The following KCND3 variants were observed in gnomAD, a reference collection of about 807,000 sequenced individuals.
KCND3 encodes the protein potassium voltage-gated channel subfamily D member 3.
In KCND3, 9 loss-of-function variants were observed where a neutral mutation model predicts 51.1. That is an observed-to-expected ratio of 0.18 (90% CI 0.11 to 0.31). The LOEUF (loss-of-function observed/expected upper bound fraction) is 0.31. Ranked by LOEUF, KCND3 falls within the 10% of genes least tolerant of loss-of-function variation. The pLI is 1.00. For synonymous variants in KCND3, 349 were observed against 368.0 expected (o/e 0.95, Z 0.59); for missense variants, 526 against 903.8 (o/e 0.58, Z 5.36).
intron 2 of KCND3, among the ~76,000 whole-genome samples, chr1:111,804,367 C>T (rs2788610): frequency 0.14 from 21,284 of 152,284 alleles, 1,527 homozygotes; most frequent in South Asian, 0.2. Flanking sequence ...CATCTGTCAG[C>T]CTTCCCCACA....
At chr1:111,794,840 T>C (rs1170586211) in intron 2 of KCND3, among the ~76,000 whole-genome samples, 1 of 152,192 alleles carries the variant, frequency 6.6e-6, no homozygotes, top group Non-Finnish European at 1.5e-5. Context: ...ATTATCCCCA[T>C]TTTGCAGATG....
intron 2 of KCND3, among the ~76,000 whole-genome samples, chr1:111,814,253 C>G (rs995095297): frequency 2.1e-4 from 30 of 143,346 alleles, no homozygotes; most frequent in Non-Finnish European, 4.0e-4. Flanking sequence ...GGAGCAGGCT[C>G]GTGGAGGAGC....
intron 2 of KCND3, among the ~76,000 whole-genome samples, chr1:111,840,027 G>A (rs1410091190): frequency 6.6e-6 from 1 of 152,200 alleles, no homozygotes; most frequent in Non-Finnish European, 1.5e-5. Flanking sequence ...AGTTTAAGGT[G>A]CCAGCAGATG....
intron 2 of KCND3, among the ~76,000 whole-genome samples, chr1:111,903,421 G>T (rs1443012713): frequency 6.6e-6 from 1 of 152,198 alleles, no homozygotes; most frequent in Non-Finnish European, 1.5e-5. Context: ...CACCCACTCA[G>T]TATGTCCTGG....
intron 2 of KCND3, among the ~76,000 whole-genome samples, chr1:111,945,631 G>A (rs982582781): frequency 2.6e-5 from 4 of 152,210 alleles, no homozygotes; most frequent in East Asian, 1.9e-4. Flanking sequence ...TCTCAGCCTT[G>A]CCCCTTCATC....
chr1:111,974,972 T>C (rs1380056747), intron 2 of KCND3, among the ~76,000 whole-genome samples: 1 of 152,192 alleles, frequency 6.6e-6, no homozygotes, highest in Non-Finnish European at 1.5e-5. Context: ...AATCCTATGG[T>C]GTGAATTAAT....
intron 2 of KCND3, among the ~76,000 whole-genome samples, chr1:111,878,020 C>A (rs1457868367): frequency 6.6e-6 from 1 of 152,118 alleles, no homozygotes; most frequent in Non-Finnish European, 1.5e-5. Context: ...CTCATTTTTC[C>A]AAATGAGGAA....
At chr1:111,877,649 C>T (rs1445870947) in intron 2 of KCND3, among the ~76,000 whole-genome samples, 1 of 152,160 alleles carries the variant, frequency 6.6e-6, no homozygotes, top group African/African-American at 2.4e-5. Flanking sequence ...GGGAGAGAGG[C>T]GTCATAATGG....
intron 2 of KCND3, among the ~76,000 whole-genome samples, chr1:111,841,706 T>C (rs889809362): frequency 6.6e-6 from 1 of 152,256 alleles, no homozygotes; most frequent in African/African-American, 2.4e-5. Flanking sequence ...GGCCACCACA[T>C]AAGGGCACAG....
At chr1:111,814,879 C>CTAG (rs1666015192) in intron 2 of KCND3, among the ~76,000 whole-genome samples, 1 of 152,200 alleles carries the variant, frequency 6.6e-6, no homozygotes. Flanking sequence ...ACCAGAGTCC[C>CTAG]TAGGATGTGT....
intron 2 of KCND3, among the ~76,000 whole-genome samples, chr1:111,823,901 G>A (rs1377062361): frequency 3.9e-5 from 6 of 152,120 alleles, no homozygotes; most frequent in African/African-American, 1.4e-4. Context: ...TTGCACTAGA[G>A]ACTCTGAAAA....
intron 2 of KCND3, among the ~76,000 whole-genome samples, chr1:111,915,141 G>A (rs547507099): frequency 5.3e-5 from 8 of 152,096 alleles, no homozygotes; most frequent in South Asian, 2.1e-4. Flanking sequence ...AGCCAGCAGC[G>A]GAGATAAAGT....
At chr1:111,912,893 TA>T (rs1024842103) in intron 2 of KCND3, among the ~76,000 whole-genome samples, 4 of 152,298 alleles carry the variant, frequency 2.6e-5, no homozygotes, top group Admixed American at 1.3e-4. Context: ...GTTTCTAAAG[TA>T]AAAAAGTTAC....
At chr1:111,921,635 C>T (rs1671480269) in intron 2 of KCND3, among the ~76,000 whole-genome samples, 1 of 152,166 alleles carries the variant, frequency 6.6e-6, no homozygotes, top group South Asian at 2.1e-4. Context: ...CTTTAGGTCT[C>T]CCACAGGCTG....
At position 111,776,005 on chromosome 1, in the gene KCND3, T is replaced by A. The variant is rs1343853897; in HGVS notation, c.*72A>T. On this transcript the variant is annotated 3_prime_UTR_variant, in exon 8 of 8. Transcript: ENST00000302127. Reference sequence around the variant, plus strand: ...TGGGGAAAGGGGGGAGGGAGTGGTCTCAGTGACCACCCACCAACATGCCAG... The same window carrying A: ...TGGGGAAAGGGGGGAGGGAGTGGTCACAGTGACCACCCACCAACATGCCAG... 6.7e-7 allele frequency: 1 copy of A among 1,491,770 alleles called. No individual in the cohort carries two copies. The highest frequency in any genetic ancestry group is 1.4e-5 in the African/African-American group (1 of 72,520). 92.4% of individuals were successfully genotyped at this position (1,491,770 alleles called of 1,614,324 possible). A position where few individuals can be genotyped will look rare whatever the true frequency, so the allele number is the denominator to read the frequency against.
chr1:111,876,459 A>G (rs995720274), intron 2 of KCND3, among the ~76,000 whole-genome samples: 1 of 152,288 alleles, frequency 6.6e-6, no homozygotes, highest in African/African-American at 2.4e-5. Context: ...TCTTCGGATC[A>G]ATTTTAATTC....
At chr1:111,970,702 C>T (rs1018465149) in intron 2 of KCND3, among the ~76,000 whole-genome samples, 2 of 152,188 alleles carry the variant, frequency 1.3e-5, no homozygotes, top group Non-Finnish European at 2.9e-5. Context: ...CCCAGTAATG[C>T]TACTACCATG....
chr1:111,979,611 A>G (rs1674829078), intron 2 of KCND3, among the ~76,000 whole-genome samples: 1 of 152,202 alleles, frequency 6.6e-6, no homozygotes, highest in Non-Finnish European at 1.5e-5. Flanking sequence ...TGGAGCAGCC[A>G]GATTGGTATT....
At chr1:111,813,856 A>G (rs1201609504) in intron 2 of KCND3, among the ~76,000 whole-genome samples, 3 of 152,232 alleles carry the variant, frequency 2.0e-5, no homozygotes, top group Non-Finnish European at 4.4e-5. Flanking sequence ...GCATTCAGTG[A>G]TTTGCCCAAG....
Sources: allele counts gnomAD v4.1 joint callset (sites outside exome capture counted in the v4.1 genomes callset), GRCh38; gene constraint gnomAD v4.1.1; transcripts MANE v1.5; gene names NCBI Gene and HGNC (gene_info 2026-07-23, HGNC 2026-07-21).